Variants in BCL2L13 observed in about 807,000 individuals in gnomAD.
BCL2L13 encodes BCL2 like 13.
In BCL2L13, 13 loss-of-function variants were observed where a neutral mutation model predicts 25.8. That is an observed-to-expected ratio of 0.50 (90% CI 0.33 to 0.80). BCL2L13 has a LOEUF of 0.80. BCL2L13 is among the 30% of genes least tolerant of loss of function. The pLI is 0.02. For synonymous variants in BCL2L13, 244 were observed against 230.3 expected (o/e 1.06, Z -0.54); for missense variants, 504 against 574.9 (o/e 0.88, Z 1.26).
rs764496361 is a variant in BCL2L13 at position 17,728,554 on chromosome 22, T to C, written c.*1020T>C. 1 of 152,226 alleles carries C rather than the reference T, an allele frequency of 6.6e-6. No individual in the cohort carries two copies. Among genetic ancestry groups the C allele is most frequent in the Admixed American group, 6.5e-5 (1 of 15,280 alleles). 9.4% of individuals were successfully genotyped at this position (152,226 alleles called of 1,614,324 possible). ...GTCCCTGTCTATAACCTTGGGCTAG[T>C]ATATTTTTTCCAATATGGGACCTTA... On this transcript the variant is annotated 3_prime_UTR_variant, in exon 7 of 7. Transcript: ENST00000317582.
intron 2 of BCL2L13, among the ~76,000 whole-genome samples, chr22:17,669,991 GT>G (rs1269988984): frequency 6.6e-6 from 1 of 152,096 alleles, no homozygotes; most frequent in African/African-American, 2.4e-5. Flanking sequence ...GGGATCTCTT[GT>G]TGTTGTCTCA....
intron 2 of BCL2L13, among the ~76,000 whole-genome samples, chr22:17,667,575 C>T (rs578107194): frequency 9.2e-5 from 14 of 152,122 alleles, no homozygotes; most frequent in African/African-American, 2.9e-4. Flanking sequence ...GTGGTGTGGT[C>T]TCAGCTCACT....
At chr22:17,673,516 C>A (rs1486902270) in intron 2 of BCL2L13, among the ~76,000 whole-genome samples, 3 of 149,126 alleles carry the variant, frequency 2.0e-5, no homozygotes, top group Non-Finnish European at 4.4e-5. Flanking sequence ...TACAGTCGCC[C>A]ACTACCATGC....
chr22:17,683,901 G>T (rs987793481), intron 3 of BCL2L13, among the ~76,000 whole-genome samples: 1 of 150,148 alleles, frequency 6.7e-6, no homozygotes, highest in East Asian at 1.9e-4. Flanking sequence ...CAGAGACAGG[G>T]TCTTGCTCTG....
chr22:17,667,505 C>G (rs2146593801), intron 2 of BCL2L13, among the ~76,000 whole-genome samples: 1 of 149,562 alleles, frequency 6.7e-6, no homozygotes, highest in African/African-American at 2.5e-5. Context: ...TGTAAGAAGT[C>G]TTTGTTGTTA....
At chr22:17,692,982 C>T (rs1601685501) in intron 4 of BCL2L13, among the ~76,000 whole-genome samples, 1 of 151,938 alleles carries the variant, frequency 6.6e-6, no homozygotes, top group Non-Finnish European at 1.5e-5. Flanking sequence ...ACACTGGCCA[C>T]GTTTCTAATG....
In BCL2L13 at chr22:17,730,474, T is replaced by A. The variant is rs1201786086; in HGVS notation, c.*2940T>A. 6.6e-6 allele frequency: 1 copy of A among 152,222 alleles called. No homozygotes were observed. The highest frequency in any genetic ancestry group is 1.9e-4 in the East Asian group (1 of 5,204). 9.4% of individuals were successfully genotyped at this position (152,222 alleles called of 1,614,324 possible). A position where few individuals can be genotyped will look rare whatever the true frequency, so the allele number is the denominator to read the frequency against. ...TGACCCACAGCTACTGTTCATTTCC[T>A]CAGGCTTTGCGCTGATTCCCTCAAT... On this transcript the variant is annotated 3_prime_UTR_variant, in exon 7 of 7. Transcript: ENST00000317582.
intron 6 of BCL2L13, among the ~76,000 whole-genome samples, chr22:17,715,354 G>A (rs1220709488): frequency 6.7e-6 from 1 of 148,980 alleles, no homozygotes; most frequent in Admixed American, 6.7e-5. Flanking sequence ...GCCAATTTTG[G>A]TATTTTTTGT....
chr22:17,631,694 A>T (rs1299283288), intron 1 of BCL2L13, among the ~76,000 whole-genome samples: 2 of 38,546 alleles, frequency 5.2e-5, no homozygotes, highest in Non-Finnish European at 1.0e-4. Flanking sequence ...ATATATATAT[A>T]TATATATATA....
At chr22:17,694,124 A>C (rs1414513553) in intron 4 of BCL2L13, among the ~76,000 whole-genome samples, 1 of 152,018 alleles carries the variant, frequency 6.6e-6, no homozygotes, top group Non-Finnish European at 1.5e-5. Context: ...TTAATCTATT[A>C]ATTTTTAATT....
chr22:17,670,912 C>T (rs1004657236), intron 2 of BCL2L13, among the ~76,000 whole-genome samples: 7 of 152,076 alleles, frequency 4.6e-5, no homozygotes, highest in South Asian at 2.1e-4. Context: ...GGTATGATAA[C>T]GCTAGAACCT....
chr22:17,665,434 A>G (rs1009078535), intron 2 of BCL2L13, among the ~76,000 whole-genome samples: 1 of 152,102 alleles, frequency 6.6e-6, no homozygotes, highest in East Asian at 1.9e-4. Context: ...ACACTGTTCC[A>G]ACTTCTGCCT....
intron 2 of BCL2L13, among the ~76,000 whole-genome samples, chr22:17,680,511 C>CAAAAAAAAAA (rs770410371): frequency 4.5e-4 from 6 of 13,336 alleles, no homozygotes; most frequent in Non-Finnish European, 7.6e-4. Flanking sequence ...GACTCTGTCT[C>CAAAAAAAAAA]AAAAAAAAAA....
intron 2 of BCL2L13, among the ~76,000 whole-genome samples, chr22:17,682,734 C>T (rs1348108146): frequency 6.6e-6 from 1 of 152,170 alleles, no homozygotes; most frequent in Non-Finnish European, 1.5e-5. Context: ...AATATTTCTA[C>T]TAAAGGTTGT....
intron 2 of BCL2L13, among the ~76,000 whole-genome samples, chr22:17,680,548 A>AAAAAC (rs2059718499): frequency 1.5e-5 from 2 of 131,070 alleles, no homozygotes; most frequent in African/African-American, 2.9e-5. Flanking sequence ...AAAAGAAAAA[A>AAAAAC]AGACTCATAC....
At chr22:17,640,367 TTTTTA>T (rs1490156251) in intron 1 of BCL2L13, among the ~76,000 whole-genome samples, 3 of 152,164 alleles carry the variant, frequency 2.0e-5, no homozygotes, top group African/African-American at 7.2e-5. Context: ...TTGGATTCAC[TTTTTA>T]TTTTATTTTT....
At chr22:17,711,168 G>A (rs1430225195) in intron 6 of BCL2L13, among the ~76,000 whole-genome samples, 2 of 152,044 alleles carry the variant, frequency 1.3e-5, no homozygotes, top group Non-Finnish European at 2.9e-5. Context: ...GCTGTAGTGA[G>A]TTACGATTAT....
Position 17,646,406 on chromosome 22 carries a change from G to A in BCL2L13, c.-51+7520G>A, listed in dbSNP as rs141154534. 7.3e-5 allele frequency among the ~76,000 whole-genome samples: 11 copies of A among 151,152 alleles called. 1 individual carries two copies. The highest frequency in any genetic ancestry group is 2.0e-4 in the African/African-American group (8 of 40,682). On this transcript the variant is annotated intron_variant, in intron 1 of 6. Coordinates refer to ENST00000317582, the MANE Select transcript of BCL2L13 (RefSeq NM_015367.4). ...GGATTACAGGTGTGCATGCCACCAC[G>A]CCAGGCTAATTTTTGTATTTTTAGT...
chr22:17,717,369 AG>A (rs1273476431), intron 6 of BCL2L13, among the ~76,000 whole-genome samples: 1 of 151,260 alleles, frequency 6.6e-6, no homozygotes, highest in Non-Finnish European at 1.5e-5. Context: ...CAACAGAGTG[AG>A]ACTCTGTCTC....
Sources: allele counts gnomAD v4.1 joint callset (sites outside exome capture counted in the v4.1 genomes callset), GRCh38; gene constraint gnomAD v4.1.1; transcripts MANE v1.5; gene names NCBI Gene and HGNC (gene_info 2026-07-23, HGNC 2026-07-21).